Variants in XKR4 observed in about 807,000 individuals in gnomAD.
XKR4 encodes the protein XK-related protein 4.
In XKR4, 12 loss-of-function variants were observed where a neutral mutation model predicts 53.9. The ratio of observed to expected loss-of-function variants is 0.22; its 90% CI spans 0.14 to 0.36. XKR4 has a LOEUF of 0.36. Among genes scored for constraint, XKR4 ranks in the 10% least tolerant of loss-of-function variants. XKR4 has a pLI of 1.00. For missense variants in XKR4, 799 were observed against 859.5 expected, an observed-to-expected ratio of 0.93 and a Z score of 0.88; for synonymous variants, 354 against 362.4, an observed-to-expected ratio of 0.98 and a Z score of 0.26.
At chr8:55,244,994 C>T (rs1003389268) in intron 1 of XKR4, among the ~76,000 whole-genome samples, 67 of 151,236 alleles carry the variant, frequency 4.4e-4, no homozygotes, top group African/African-American at 1.5e-3. Flanking sequence ...CTCTGCCTCC[C>T]GGGTTCCAGC....
chr8:55,282,059 A>G (rs554091922), intron 1 of XKR4, among the ~76,000 whole-genome samples: 3 of 152,304 alleles, frequency 2.0e-5, no homozygotes, highest in African/African-American at 7.2e-5. Context: ...TTCCGATGAG[A>G]TGGGACAGAG....
intron 1 of XKR4, among the ~76,000 whole-genome samples, chr8:55,154,248 T>C (rs571725384): frequency 5.1e-4 from 77 of 152,300 alleles, no homozygotes; most frequent in African/African-American, 1.8e-3. Flanking sequence ...CCTTAAAAAG[T>C]TGAAAAATGT....
intron 1 of XKR4, among the ~76,000 whole-genome samples, chr8:55,356,262 C>CCTGAT (rs1803795419): frequency 6.6e-6 from 1 of 152,290 alleles, no homozygotes; most frequent in African/African-American, 2.4e-5. Flanking sequence ...TGATGTGCTT[C>CCTGAT]CTGATGAAAG....
chr8:55,396,252 G>A (rs2975943), intron 2 of XKR4, among the ~76,000 whole-genome samples: 15,569 of 152,168 alleles, frequency 0.1, 1,582 homozygotes, highest in African/African-American at 0.26. Flanking sequence ...TCTGAGATGC[G>A]TGTGCTGTTT....
intron 1 of XKR4, among the ~76,000 whole-genome samples, chr8:55,355,564 A>T (rs529155031): frequency 6.6e-6 from 1 of 152,352 alleles, no homozygotes; most frequent in Admixed American, 6.5e-5. Flanking sequence ...ATCAAGGTAC[A>T]TTCTAATAAA....
chr8:55,105,576 T>A (rs1816131590), intron 1 of XKR4, among the ~76,000 whole-genome samples: 1 of 152,170 alleles, frequency 6.6e-6, no homozygotes, highest in African/African-American at 2.4e-5. Context: ...GGAAATATTA[T>A]CAGATATAAT....
intron 2 of XKR4, among the ~76,000 whole-genome samples, chr8:55,420,536 CA>C (rs1204331776): frequency 1.4e-5 from 2 of 145,388 alleles, no homozygotes; most frequent in Non-Finnish European, 3.0e-5. Context: ...ATCGCAAGAA[CA>C]AAAAACCAAA....
At chr8:55,271,125 T>G (rs990834783) in intron 1 of XKR4, among the ~76,000 whole-genome samples, 1 of 152,100 alleles carries the variant, frequency 6.6e-6, no homozygotes, top group Non-Finnish European at 1.5e-5. Flanking sequence ...TCCCCATCAT[T>G]TGGCTTCAAA....
At chr8:55,165,410 A>G (rs944671971) in intron 1 of XKR4, among the ~76,000 whole-genome samples, 13 of 152,054 alleles carry the variant, frequency 8.5e-5, no homozygotes, top group African/African-American at 3.1e-4. Context: ...CATCTGTACC[A>G]GCAAATAAGA....
chr8:55,243,861 A>G (rs952140404), intron 1 of XKR4, among the ~76,000 whole-genome samples: 8 of 152,340 alleles, frequency 5.3e-5, no homozygotes, highest in Non-Finnish European at 8.8e-5. Context: ...CCTGCATGGT[A>G]GCGATGAAGG....
intron 1 of XKR4, among the ~76,000 whole-genome samples, chr8:55,177,503 C>T (rs1014936073): frequency 9.9e-5 from 15 of 152,190 alleles, no homozygotes; most frequent in African/African-American, 3.6e-4. Context: ...ACCTTTTAAT[C>T]TCTTCATAGG....
rs1028872164 is a variant in XKR4 at position 55,161,435 on chromosome 8, C to T, written c.806+58141C>T. 7.1e-6 allele frequency: 3 copies of T among 425,000 alleles called. No homozygotes were observed. The Admixed American group carries it at 7.9e-5, about 11-fold the overall frequency. The allele number at this position is 425,000 out of a possible 1,614,324, so 26.3% of individuals were successfully genotyped here. A position where few individuals can be genotyped will look rare whatever the true frequency, so the allele number is the denominator to read the frequency against. ...AATTCCCTGCTTCTCTCTGAGGTCC[C>T]AAGGGAAACTAGAGTCTTTGAGCAC... is the stretch of plus-strand genomic sequence containing the variant. On this transcript the variant is annotated intron_variant, in intron 1 of 2. Coordinates refer to ENST00000327381, the MANE Select transcript of XKR4 (RefSeq NM_052898.2).
intron 1 of XKR4, among the ~76,000 whole-genome samples, chr8:55,329,340 C>T (rs1803348640): frequency 6.6e-6 from 1 of 151,978 alleles, no homozygotes; most frequent in Admixed American, 6.6e-5. Flanking sequence ...CTGCCCAACA[C>T]AAATTCGTAA....
intron 1 of XKR4, among the ~76,000 whole-genome samples, chr8:55,261,888 A>T (rs4278126): frequency 0.77 from 114,592 of 147,912 alleles, 46,568 homozygotes; most frequent in Non-Finnish European, 0.92. Flanking sequence ...TTTTTTTTTT[A>T]AAAAAAAGTA....
chr8:55,226,443 T>C (rs551024373), intron 1 of XKR4, among the ~76,000 whole-genome samples: 3 of 152,332 alleles, frequency 2.0e-5, no homozygotes, highest in Non-Finnish European at 4.4e-5. Flanking sequence ...ACCTATGACA[T>C]GATTGCTGAC....
At chr8:55,407,992 T>C (rs550762302) in intron 2 of XKR4, among the ~76,000 whole-genome samples, 1 of 152,194 alleles carries the variant, frequency 6.6e-6, no homozygotes, top group African/African-American at 2.4e-5. Context: ...CCTGAAGATG[T>C]GATCCTACTT....
At chr8:55,400,029 G>T (rs1448873365) in intron 2 of XKR4, among the ~76,000 whole-genome samples, 1 of 152,078 alleles carries the variant, frequency 6.6e-6, no homozygotes, top group Non-Finnish European at 1.5e-5. Flanking sequence ...TGCACTCAAG[G>T]GCATCTCTGA....
chr8:55,176,943 A>T (rs751343226), intron 1 of XKR4, among the ~76,000 whole-genome samples: 1 of 152,096 alleles, frequency 6.6e-6, no homozygotes, highest in Non-Finnish European at 1.5e-5. Context: ...CAGCCAAATC[A>T]CAAAAGTACC....
At chr8:55,335,646 A>G (rs535723297) in intron 1 of XKR4, among the ~76,000 whole-genome samples, 5 of 152,330 alleles carry the variant, frequency 3.3e-5, no homozygotes, top group African/African-American at 1.2e-4. Context: ...CAGTATATTC[A>G]TAATTGCAAA....
Sources: gnomAD v4.1 joint callset for allele counts (sites outside exome capture counted in the v4.1 genomes callset) on GRCh38, gnomAD v4.1.1 for gene constraint, MANE v1.5 for transcripts, NCBI Gene and HGNC (gene_info 2026-07-23, HGNC 2026-07-21) for gene names.